The following CUL1 variants were observed in gnomAD, a reference collection of about 807,000 sequenced individuals.
CUL1 encodes the protein cullin-1.
A neutral mutation model predicts 118.0 loss-of-function variants in CUL1; 24 were observed. That is an observed-to-expected ratio of 0.20 (90% CI 0.15 to 0.29). The LOEUF (loss-of-function observed/expected upper bound fraction) is 0.29. CUL1 is among the 10% of genes least tolerant of loss of function. The pLI is 1.00. For synonymous variants in CUL1, 332 were observed against 340.4 expected, an observed-to-expected ratio of 0.98 and a Z score of 0.27; for missense variants, 361 against 933.8, an observed-to-expected ratio of 0.39 and a Z score of 7.99.
intron 1 of CUL1, among the ~76,000 whole-genome samples, chr7:148,708,131 C>G (rs540325309): frequency 6.6e-6 from 1 of 152,222 alleles, no homozygotes; most frequent in African/African-American, 2.4e-5. Context: ...TTGATCCTCT[C>G]TTCTAGTCTT....
At chr7:148,795,381 C>T (rs1190584240) in intron 17 of CUL1, among the ~76,000 whole-genome samples, 1 of 151,974 alleles carries the variant, frequency 6.6e-6, no homozygotes, top group Non-Finnish European at 1.5e-5. Flanking sequence ...ACACTTTCAC[C>T]TTGGCCTCCC....
intron 2 of CUL1, among the ~76,000 whole-genome samples, chr7:148,739,063 G>A (rs1271601516): frequency 6.6e-6 from 1 of 152,196 alleles, no homozygotes; most frequent in East Asian, 1.9e-4. Context: ...TCATTCTTCA[G>A]GAAAATGGCA....
At chr7:148,795,652 C>G (rs949707672) in intron 17 of CUL1, among the ~76,000 whole-genome samples, 3 of 151,900 alleles carry the variant, frequency 2.0e-5, no homozygotes, top group Non-Finnish European at 2.9e-5. Flanking sequence ...TGCCTGTAGT[C>G]CCAGCTACTC....
At chr7:148,719,611 T>C (rs1053727928) in intron 1 of CUL1, among the ~76,000 whole-genome samples, 3 of 152,208 alleles carry the variant, frequency 2.0e-5, no homozygotes, top group African/African-American at 7.2e-5. Context: ...CTGGCATCTT[T>C]AGTTAAAGAA....
At chr7:148,788,816 C>A in intron 14 of CUL1, 142 bp downstream of exon 14, 1 of 659,008 alleles carries the variant, frequency 1.5e-6, no homozygotes, top group East Asian at 2.6e-5. Context: ...CTCCCAAATG[C>A]CCAGCCCTCC....
intron 2 of CUL1, among the ~76,000 whole-genome samples, chr7:148,734,587 A>T (rs1798877672): frequency 6.6e-6 from 1 of 152,218 alleles, no homozygotes; most frequent in African/African-American, 2.4e-5. Flanking sequence ...AATTCTATGC[A>T]GGTGGGTAAA....
At chr7:148,783,269 G>A in intron 9 of CUL1, 1 of 941,308 alleles carries the variant, frequency 1.1e-6, no homozygotes, top group African/African-American at 1.8e-5. Flanking sequence ...CCTGCGATGA[G>A]GCCCTGGCCC....
intron 14 of CUL1, among the ~76,000 whole-genome samples, chr7:148,789,296 T>C (rs1160068528): frequency 2.0e-5 from 3 of 152,228 alleles, no homozygotes; most frequent in Non-Finnish European, 4.4e-5. Context: ...ACTGTTATAA[T>C]TTATAGACCA....
In CUL1 at chr7:148,740,807, C is replaced by A. The variant is rs147722392; in HGVS notation, c.140+10545C>A. ...GAGACACCAGAGAGCTCTCTCTCCA[C>A]ATACACAGAGGAAAGGCCATGTGAG... is the stretch of plus-strand genomic sequence containing the variant. On this transcript the variant is annotated intron_variant, in intron 2 of 21. Transcript: ENST00000325222. 2.7e-3 allele frequency among the ~76,000 whole-genome samples: 408 copies of A among 152,332 alleles called. 2 individuals carry two copies. Among genetic ancestry groups the A allele is most frequent in the Non-Finnish European group, 4.7e-3 (317 of 68,036 alleles).
intron 20 of CUL1, 43 bp downstream of exon 20, chr7:148,798,720 G>T: frequency 6.6e-7 from 1 of 1,514,650 alleles, no homozygotes; most frequent in Non-Finnish European, 9.2e-7. Context: ...TGTCCCTCAC[G>T]CAGGGATGGC....
chr7:148,727,626 C>A (rs1439046500), intron 1 of CUL1, among the ~76,000 whole-genome samples: 1 of 152,118 alleles, frequency 6.6e-6, no homozygotes, highest in Non-Finnish European at 1.5e-5. Context: ...ACCTGTACGT[C>A]TTCTGGGACT....
chr7:148,710,492 C>A (rs1798015349), intron 1 of CUL1, among the ~76,000 whole-genome samples: 12 of 152,116 alleles, frequency 7.9e-5, no homozygotes, highest in Admixed American at 7.9e-4. Flanking sequence ...TCGCTTGAAC[C>A]CGGGAGGCGG....
rs560562141 is a variant in CUL1, at chr7:148,706,829, C to A, written c.-162+7800C>A. On this transcript the variant is annotated intron_variant, in intron 1 of 21. Coordinates refer to ENST00000325222, the MANE Select transcript of CUL1 (RefSeq NM_003592.3). ...TATAATGGAGCTCTGCCTTACTACT[C>A]TACTTGTTTTACTGCATTTTCAGGA... is the stretch of plus-strand genomic sequence containing the variant. Among the ~76,000 whole-genome samples, 12 of 152,212 alleles carry A rather than the reference C, an allele frequency of 7.9e-5. No homozygotes were observed. The East Asian group carries it at 1.9e-3, about 25-fold the overall frequency.
At chr7:148,734,158 A>G (rs781423390) in intron 2 of CUL1, among the ~76,000 whole-genome samples, 1 of 151,934 alleles carries the variant, frequency 6.6e-6, no homozygotes, top group Non-Finnish European at 1.5e-5. Flanking sequence ...TTAAGCCATC[A>G]CTCTTCACTG....
At chr7:148,703,448 T>G (rs1046578664) in intron 1 of CUL1, among the ~76,000 whole-genome samples, 1 of 152,332 alleles carries the variant, frequency 6.6e-6, no homozygotes, top group South Asian at 2.1e-4. Flanking sequence ...TAGAAAATAC[T>G]TCGGAAAATA....
chr7:148,783,925 T>G (rs1417562355), intron 10 of CUL1, 35 bp downstream of exon 10: 2 of 1,613,252 alleles, frequency 1.2e-6, no homozygotes, highest in African/African-American at 2.7e-5. Flanking sequence ...GCCTGTAGTA[T>G]GTATGGATGG....
chr7:148,763,709 A>G (rs192688371), intron 7 of CUL1, among the ~76,000 whole-genome samples: 139 of 152,358 alleles, frequency 9.1e-4, no homozygotes, highest in Admixed American at 3.1e-3. Flanking sequence ...ACATCCCACA[A>G]AACCTCCAGT....
intron 1 of CUL1, among the ~76,000 whole-genome samples, chr7:148,715,690 CT>C (rs1446368848): frequency 6.6e-6 from 1 of 152,146 alleles, no homozygotes; most frequent in African/African-American, 2.4e-5. Flanking sequence ...AACAATTTTA[CT>C]TTTTTGTCAG....
chr7:148,757,966 C>T (rs1486018636), intron 4 of CUL1, among the ~76,000 whole-genome samples: 1 of 152,194 alleles, frequency 6.6e-6, no homozygotes, highest in Non-Finnish European at 1.5e-5. Context: ...GTGGGAATTA[C>T]GGGAGCTATA....
Sources: gnomAD v4.1 joint callset for allele counts (sites outside exome capture counted in the v4.1 genomes callset) on GRCh38, gnomAD v4.1.1 for gene constraint, MANE v1.5 for transcripts, NCBI Gene and HGNC (gene_info 2026-07-23, HGNC 2026-07-21) for gene names.